The following CASK variants were observed in gnomAD, a reference collection of about 807,000 sequenced individuals.
The protein encoded by CASK is peripheral plasma membrane protein CASK.
CASK carries 4 observed loss-of-function variants against 82.9 expected under a neutral mutation model. The observed-to-expected ratio is 0.05, with a 90% confidence interval of 0.02 to 0.11. The LOEUF (loss-of-function observed/expected upper bound fraction) is 0.11, where lower values mean the gene tolerates loss of function less well. Ranked by LOEUF, CASK falls within the 10% of genes least tolerant of loss-of-function variation. The probability of loss-of-function intolerance (pLI) is 1.00; values close to 1 mark genes in which losing one functional copy is unlikely to be tolerated. For synonymous variants in CASK, 259 were observed against 253.5 expected (o/e 1.02, Z -0.20); for missense variants, 358 against 720.9 (o/e 0.50, Z 5.76).
chrX:41,606,009 C>A (rs1199097408), intron 12 of CASK, among the ~76,000 whole-genome samples: 2 of 111,804 alleles, frequency 1.8e-5, no homozygotes, highest in Non-Finnish European at 3.8e-5. Flanking sequence ...AGCTGCTCCT[C>A]AAGAGTTCGT....
chrX:41,869,812 C>CAAAAAAAAAAAAAAAAAAAAAAAAAAAA (rs72190097), intron 1 of CASK, among the ~76,000 whole-genome samples: 3 of 12,116 alleles, frequency 2.5e-4, no homozygotes, highest in Admixed American at 1.6e-3. Context: ...GACTCTGTCT[C>CAAAAAAAAAAAAAAAAAAAAAAAAAAAA]AAAAAAAAAA....
At chrX:41,893,132 G>C (rs1025887105) in intron 1 of CASK, among the ~76,000 whole-genome samples, 4 of 112,108 alleles carry the variant, frequency 3.6e-5, no homozygotes, top group African/African-American at 1.3e-4. Flanking sequence ...GCAGAGGTGG[G>C]GGGCAGGACT....
At chrX:41,712,218 G>A (rs1318823119) in intron 5 of CASK, among the ~76,000 whole-genome samples, 1 of 112,726 alleles carries the variant, frequency 8.9e-6, no homozygotes, top group Non-Finnish European at 1.9e-5. Flanking sequence ...AGCTACTAAA[G>A]GTAAAAGTTA....
At chrX:41,854,203 T>TG (rs1556256573) in intron 1 of CASK, among the ~76,000 whole-genome samples, 41 of 77,655 alleles carry the variant, frequency 5.3e-4, no homozygotes, top group African/African-American at 1.7e-3. Flanking sequence ...CCAGGGAACA[T>TG]GCGCGCGCGC....
chrX:41,594,834 C>T (rs910358097), intron 12 of CASK, among the ~76,000 whole-genome samples: 2 of 111,831 alleles, frequency 1.8e-5, no homozygotes, highest in African/African-American at 3.3e-5. Context: ...AGAAACCACA[C>T]GTCTGCAACT....
At chrX:41,638,594 G>A (rs1283230246) in intron 8 of CASK, among the ~76,000 whole-genome samples, 1 of 111,218 alleles carries the variant, frequency 9.0e-6, no homozygotes, top group Non-Finnish European at 1.9e-5. Context: ...GCCCAATGGA[G>A]AAAGTGACAT....
intron 25 of CASK, among the ~76,000 whole-genome samples, chrX:41,526,227 C>T (rs1301735413): frequency 9.0e-6 from 1 of 111,241 alleles, no homozygotes; most frequent in Non-Finnish European, 1.9e-5. Flanking sequence ...TTTCTCATCA[C>T]CCCTACTCCC....
intron 3 of CASK, among the ~76,000 whole-genome samples, chrX:41,773,869 G>A (rs2069297730): frequency 8.9e-6 from 1 of 111,785 alleles, no homozygotes; most frequent in Non-Finnish European, 1.9e-5. Context: ...GGGTGAGTCA[G>A]TAAGTGATGA....
intron 15 of CASK, among the ~76,000 whole-genome samples, chrX:41,571,521 G>A (rs763340247): frequency 9.9e-5 from 11 of 111,375 alleles, no homozygotes; most frequent in Non-Finnish European, 2.1e-4. Context: ...CATGCCTGAT[G>A]TTGGTAATTC....
intron 1 of CASK, among the ~76,000 whole-genome samples, chrX:41,862,542 G>GAAAA (rs35462461): frequency 3.0e-5 from 1 of 32,859 alleles, no homozygotes; most frequent in African/African-American, 1.4e-4. Context: ...CTCTGTCTCA[G>GAAAA]AAAAAAAAAA....
At chrX:41,680,066 G>A (rs749684613) in intron 5 of CASK, among the ~76,000 whole-genome samples, 8 of 110,692 alleles carry the variant, frequency 7.2e-5, no homozygotes, top group East Asian at 2.8e-4. Flanking sequence ...TGGGCGTGGC[G>A]GCACATGCCT....
intron 3 of CASK, among the ~76,000 whole-genome samples, chrX:41,754,428 G>A (rs2068853651): frequency 9.0e-6 from 1 of 110,944 alleles, no homozygotes; most frequent in Admixed American, 9.6e-5. Context: ...AAACATTTAA[G>A]AACTAAACAT....
At chrX:41,839,486 T>C (rs933165459) in intron 2 of CASK, among the ~76,000 whole-genome samples, 11 of 111,410 alleles carry the variant, frequency 9.9e-5, no homozygotes, top group African/African-American at 3.6e-4. Flanking sequence ...TTTTCGTATG[T>C]TTATCTCATA....
chrX:41,681,207 A>G (rs1391360666), intron 5 of CASK, among the ~76,000 whole-genome samples: 1 of 112,102 alleles, frequency 8.9e-6, no homozygotes, highest in Non-Finnish European at 1.9e-5. Flanking sequence ...AAAATTAAGA[A>G]AAAGCTATAT....
intron 1 of CASK, among the ~76,000 whole-genome samples, chrX:41,853,849 G>C (rs1323726219): frequency 1.8e-5 from 2 of 111,694 alleles, no homozygotes; most frequent in South Asian, 3.7e-4. Context: ...ACCAGAGAGA[G>C]AGAAAGTATT....
intron 3 of CASK, among the ~76,000 whole-genome samples, chrX:41,771,026 T>C (rs1039029028): frequency 3.6e-5 from 4 of 112,070 alleles, no homozygotes; most frequent in African/African-American, 1.3e-4. Context: ...ATAATATCAA[T>C]ACACTGATTG....
chrX:41,773,824 C>G (rs2069296445), intron 3 of CASK, among the ~76,000 whole-genome samples: 1 of 111,328 alleles, frequency 9.0e-6, no homozygotes, highest in African/African-American at 3.3e-5. Flanking sequence ...AGGGCACTTA[C>G]CATGAATGGA....
intron 2 of CASK, among the ~76,000 whole-genome samples, chrX:41,836,040 T>C (rs1025300227): frequency 9.0e-6 from 1 of 111,526 alleles, no homozygotes; most frequent in Non-Finnish European, 1.9e-5. Context: ...CAGACACACA[T>C]ACACAAAACC....
chrX:41,625,705 T>G (rs971399793), intron 10 of CASK, among the ~76,000 whole-genome samples: 27 of 111,481 alleles, frequency 2.4e-4, no homozygotes, highest in African/African-American at 8.8e-4. Context: ...TCAGGGGTAC[T>G]TATATACAGT....
Sources: allele counts gnomAD v4.1 joint callset (sites outside exome capture counted in the v4.1 genomes callset), GRCh38; gene constraint gnomAD v4.1.1; transcripts MANE v1.5; gene names NCBI Gene and HGNC (gene_info 2026-07-23, HGNC 2026-07-21).